CDH18: variants seen among roughly 807,000 people sequenced by gnomAD.
The protein encoded by CDH18 is cadherin-18.
In CDH18, 31 loss-of-function variants were observed where a neutral mutation model predicts 67.9. The ratio of observed to expected loss-of-function variants is 0.46; its 90% CI spans 0.34 to 0.62. The LOEUF is 0.62. Among genes scored for constraint, CDH18 ranks in the 20% least tolerant of loss-of-function variants. The probability of loss-of-function intolerance (pLI) is 0.01; values close to 1 mark genes in which losing one functional copy is unlikely to be tolerated. For missense variants in CDH18, 890 were observed against 975.5 expected (o/e 0.91, Z 1.17); for synonymous variants, 362 against 347.2 (o/e 1.04, Z -0.48).
At chr5:20,207,109 C>T (rs1739959249) in intron 2 of CDH18, among the ~76,000 whole-genome samples, 1 of 151,388 alleles carries the variant, frequency 6.6e-6, no homozygotes, top group Non-Finnish European at 1.5e-5. Flanking sequence ...CTAAAGACTA[C>T]CCAAAACTGT....
At chr5:20,122,291 C>T (rs1025778063) in intron 2 of CDH18, among the ~76,000 whole-genome samples, 11 of 152,106 alleles carry the variant, frequency 7.2e-5, no homozygotes, top group African/African-American at 2.4e-4. Flanking sequence ...TTTAACACAT[C>T]GCTTTTCTTT....
intron 1 of CDH18, among the ~76,000 whole-genome samples, chr5:20,409,355 T>C (rs188471127): frequency 2.3e-4 from 35 of 151,898 alleles, no homozygotes; most frequent in Non-Finnish European, 4.3e-4. Context: ...ACTAGTTTGA[T>C]ACCAGAAGAA....
At chr5:19,495,391 G>A (rs1043218248) in intron 11 of CDH18, among the ~76,000 whole-genome samples, 2 of 151,934 alleles carry the variant, frequency 1.3e-5, no homozygotes, top group African/African-American at 4.8e-5. Flanking sequence ...GGTAAAATAC[G>A]CAGTTTTTGA....
chr5:19,906,581 T>C (rs17289251), intron 2 of CDH18, among the ~76,000 whole-genome samples: 79,355 of 151,682 alleles, frequency 0.52, 20,928 homozygotes, highest in African/African-American at 0.6. Flanking sequence ...CGCATCAAAA[T>C]GAAGGACCCA....
At chr5:19,493,305 A>T (rs879722722) in intron 11 of CDH18, among the ~76,000 whole-genome samples, 14 of 152,182 alleles carry the variant, frequency 9.2e-5, no homozygotes, top group Non-Finnish European at 1.8e-4. Flanking sequence ...GAATTCCTTG[A>T]ATCAGAACAG....
At chr5:19,679,065 C>T (rs1378209573) in intron 5 of CDH18, among the ~76,000 whole-genome samples, 1 of 151,946 alleles carries the variant, frequency 6.6e-6, no homozygotes, top group Admixed American at 6.6e-5. Flanking sequence ...TACTAACAAA[C>T]CAACTTCAGC....
intron 2 of CDH18, among the ~76,000 whole-genome samples, chr5:20,083,772 G>A (rs888399213): frequency 6.6e-6 from 1 of 152,188 alleles, no homozygotes; most frequent in African/African-American, 2.4e-5. Context: ...ATGGCAGCAG[G>A]CAAAGAGAGA....
At chr5:19,673,251 G>T (rs1758997877) in intron 5 of CDH18, among the ~76,000 whole-genome samples, 1 of 151,958 alleles carries the variant, frequency 6.6e-6, no homozygotes, top group Admixed American at 6.6e-5. Context: ...CTAAACTATT[G>T]ACTAAGGATT....
intron 8 of CDH18, among the ~76,000 whole-genome samples, chr5:19,554,535 A>T (rs2127165150): frequency 6.6e-6 from 1 of 151,790 alleles, no homozygotes; most frequent in Non-Finnish European, 1.5e-5. Context: ...GGGCAAGAAG[A>T]GCATAACTTC....
intron 6 of CDH18, among the ~76,000 whole-genome samples, chr5:19,605,804 T>C (rs1747945261): frequency 6.6e-6 from 1 of 152,044 alleles, no homozygotes; most frequent in Non-Finnish European, 1.5e-5. Flanking sequence ...CAAGCAAAAA[T>C]TGTGTAGCTT....
chr5:20,406,666 G>A (rs1488948300), intron 1 of CDH18, among the ~76,000 whole-genome samples: 1 of 151,998 alleles, frequency 6.6e-6, no homozygotes, highest in Non-Finnish European at 1.5e-5. Context: ...ATTTAAAAGG[G>A]AGCACTATTA....
intron 2 of CDH18, among the ~76,000 whole-genome samples, chr5:20,076,582 T>A (rs1396022915): frequency 6.6e-6 from 1 of 151,384 alleles, no homozygotes; most frequent in African/African-American, 2.4e-5. Flanking sequence ...AAAGCAAGAA[T>A]AACTAAATAT....
chr5:19,592,047 C>T (rs1745228111), intron 6 of CDH18, among the ~76,000 whole-genome samples: 1 of 151,890 alleles, frequency 6.6e-6, no homozygotes. Flanking sequence ...TCTTAGAACT[C>T]CCCTATGATA....
chr5:20,537,263 C>A (rs1432341207), intron 1 of CDH18, among the ~76,000 whole-genome samples: 1 of 151,748 alleles, frequency 6.6e-6, no homozygotes, highest in Non-Finnish European at 1.5e-5. Flanking sequence ...TATATGTTTC[C>A]AAAAATATAT....
chr5:20,527,877 C>T (rs1359575366), intron 1 of CDH18, among the ~76,000 whole-genome samples: 1 of 152,048 alleles, frequency 6.6e-6, no homozygotes, highest in Non-Finnish European at 1.5e-5. Context: ...AATCAGTCAG[C>T]ATTATGATGA....
At chr5:20,148,621 G>T (rs1484835292) in intron 2 of CDH18, among the ~76,000 whole-genome samples, 1 of 152,024 alleles carries the variant, frequency 6.6e-6, no homozygotes, top group African/African-American at 2.4e-5. Flanking sequence ...CATGTCTTCT[G>T]TCCACTAAGC....
intron 1 of CDH18, among the ~76,000 whole-genome samples, chr5:20,395,470 A>C (rs1156848429): frequency 6.6e-6 from 1 of 152,124 alleles, no homozygotes; most frequent in East Asian, 1.9e-4. Context: ...AGGAATAAGA[A>C]ACTCCATATT....
At chr5:20,571,408 A>T (rs1406533863) in intron 1 of CDH18, among the ~76,000 whole-genome samples, 3 of 152,090 alleles carry the variant, frequency 2.0e-5, no homozygotes, top group Non-Finnish European at 2.9e-5. Flanking sequence ...TATTTTATTT[A>T]TGGTTCACAT....
At chr5:19,747,949 A>G (rs977438247) in intron 3 of CDH18, among the ~76,000 whole-genome samples, 2 of 150,764 alleles carry the variant, frequency 1.3e-5, no homozygotes, top group Non-Finnish European at 3.0e-5. Context: ...TCTACTAAAA[A>G]AGTACAAAAA....
Sources: allele counts gnomAD v4.1 joint callset (sites outside exome capture counted in the v4.1 genomes callset), GRCh38; gene constraint gnomAD v4.1.1; transcripts MANE v1.5; gene names NCBI Gene and HGNC (gene_info 2026-07-23, HGNC 2026-07-21).